UBR4: variants seen among roughly 807,000 people sequenced by gnomAD.
UBR4 encodes the protein E3 ubiquitin-protein ligase UBR4.
Under a neutral mutation model 575.6 loss-of-function variants are expected in UBR4, and 124 were observed. The observed-to-expected ratio is 0.22, with a 90% CI of 0.19 to 0.25. The LOEUF is 0.25. Among genes scored for constraint, UBR4 ranks in the 10% least tolerant of loss-of-function variants. The pLI, the probability that UBR4 is intolerant of heterozygous loss-of-function variation, is 1.00. For synonymous variants in UBR4, 2,455 were observed against 2,473.7 expected (o/e 0.99, Z 0.22); for missense variants, 4,818 against 6,478.8 (o/e 0.74, Z 8.80).
chr1:19,094,891 C>A lies in UBR4; in HGVS notation c.13746+15G>T, dbSNP rs146288135. 8.1e-6 allele frequency: 13 copies of A among 1,612,172 alleles called. No homozygotes were observed. Among genetic ancestry groups the A allele is most frequent in the Middle Eastern group, 4.1e-4 (2 of 4,938 alleles). On this transcript the variant is annotated intron_variant, in intron 94 of 105. Transcript: ENST00000375254. ...CTCTCAGTGCCTGCAGATGGAGGGG[C>A]CGAGCCCCACTCACCTTGTCCTCAC... is the stretch of plus-strand genomic sequence containing the variant.
chr1:19,150,512 A>T, intron 49 of UBR4, 65 bp downstream of exon 49: 1 of 1,552,454 alleles, frequency 6.4e-7, no homozygotes, highest in Non-Finnish European at 8.9e-7. Context: ...CTCTCAAGAC[A>T]CAGGAAGGTT....
At chr1:19,087,955 C>A in intron 98 of UBR4, 26 bp from the exon 99 acceptor site, 1 of 1,568,738 alleles carries the variant, frequency 6.4e-7, no homozygotes, top group South Asian at 1.1e-5. Flanking sequence ...GGTGGCATGT[C>A]AAGGGGATTT....
At chr1:19,174,585 TC>T (rs1224037439) in intron 21 of UBR4, 138 bp from the exon 22 acceptor site, 2 of 1,299,018 alleles carry the variant, frequency 1.5e-6, no homozygotes, top group Non-Finnish European at 1.0e-6. Context: ...TGGAACAGAT[TC>T]CCATTCTGGG....
In UBR4 at chr1:19,074,835, G is replaced by T; in HGVS notation, c.15549C>A (p.Pro5183=). The change falls in exon 106 of 106, where the codon CCC becomes CCA. Residue 5183 remains proline (P), a synonymous_variant. Coordinates refer to ENST00000375254, the MANE Select transcript of UBR4 (RefSeq NM_020765.3). ...CGCCGCAGCTGCTGTGTGGTGGTCA[G>T]GGGACTGAGTTCAACAGGTCCTTCA... ...SFLKDLLNSV[P] is the part of the protein sequence containing the mutation. 6.2e-7 allele frequency: 1 copy of T among 1,614,076 alleles called. No homozygotes were observed. Among genetic ancestry groups the T allele is most frequent in the Non-Finnish European group, 8.5e-7 (1 of 1,179,976 alleles).
At chr1:19,144,668 CTTCA>C in intron 54 of UBR4, 114 bp downstream of exon 54, 1 of 1,398,130 alleles carries the variant, frequency 7.2e-7, no homozygotes, top group Non-Finnish European at 9.6e-7. Context: ...ATATTTGAAA[CTTCA>C]TTCCCTTCAG....
chr1:19,119,340 T>C (rs570416501), intron 70 of UBR4, among the ~76,000 whole-genome samples: 1 of 152,370 alleles, frequency 6.6e-6, no homozygotes, highest in South Asian at 2.1e-4. Flanking sequence ...CCACCTGACC[T>C]TGACCTACGT....
chr1:19,110,694 T>G lies in UBR4; in HGVS notation c.11892+48A>C, dbSNP rs2079756979. ...AGGGGAAGCTGAGAAACACAAGGCA[T>G]GTGAGGGGAAGTCAGAGAGGACAGC... is the stretch of plus-strand genomic sequence containing the variant. On this transcript the variant is annotated intron_variant, in intron 79 of 105. Transcript: ENST00000375254. This position sits in a 1 kb window ranked among gnomAD's most constrained non-coding sequence, Gnocchi z 4.5. The G allele has an allele frequency of 1.9e-6, 3 of 1,583,982 alleles. No homozygotes were observed. Among genetic ancestry groups the G allele is most frequent in the Non-Finnish European group, 2.6e-6 (3 of 1,153,392 alleles).
intron 57 of UBR4, 107 bp from the exon 58 acceptor site, chr1:19,140,999 C>A: frequency 8.4e-7 from 1 of 1,194,612 alleles, no homozygotes; most frequent in Non-Finnish European, 1.2e-6. Context: ...AGCATGTGAC[C>A]CCCTCTGGCC....
At position 19,165,754 on chromosome 1, in the gene UBR4, T is replaced by C. The variant is rs780666447; in HGVS notation, c.4113A>G (p.Gly1371=). 8 of 1,612,172 alleles carry C rather than the reference T, an allele frequency of 5.0e-6. No individual in the cohort carries two copies. The highest frequency in any genetic ancestry group is 6.8e-6 in the Non-Finnish European group (8 of 1,179,350). Residue 1371 remains glycine, a synonymous_variant, in exon 30 of 106, where the codon GGA becomes GGG. Transcript: ENST00000375254. ...ILANHADPNS[G]LDESILEECL... is the part of the protein sequence containing the mutation. ...ATTCCTCCAGGATGGATTCATCCAGTCCACTGAGGATCAAACGGAAAACTT... is the reference window on the plus strand; with the variant it reads ...ATTCCTCCAGGATGGATTCATCCAGCCCACTGAGGATCAAACGGAAAACTT...
chr1:19,141,292 C>G, intron 57 of UBR4, 55 bp downstream of exon 57: 2 of 1,611,958 alleles, frequency 1.2e-6, no homozygotes, highest in Non-Finnish European at 1.7e-6. Context: ...ACTGCCAAAC[C>G]CTCTTTTCCT....
chr1:19,076,133 A>G (rs1415722991), intron 105 of UBR4, among the ~76,000 whole-genome samples: 1 of 152,178 alleles, frequency 6.6e-6, no homozygotes, highest in Non-Finnish European at 1.5e-5. Context: ...AACCAATTCT[A>G]ATGTGTTTGT....
intron 13 of UBR4, 120 bp from the exon 14 acceptor site, chr1:19,186,777 T>G (rs2091568452): frequency 2.4e-6 from 2 of 836,144 alleles, no homozygotes; most frequent in Non-Finnish European, 3.7e-6. Context: ...TCTTAATAGC[T>G]CCCTTAATTA....
Position 19,169,367 on chromosome 1 carries a change from A to C in UBR4, c.3741+68T>G, listed in dbSNP as rs1035870878. ...TAGCTAGTTTAAGCCTAATTCCTTT[A>C]GGCTTAAGAACAAAAGACAGAATGG... On this transcript the variant is annotated intron_variant, in intron 27 of 105. Transcript: ENST00000375254. 2.9e-6 allele frequency: 4 copies of C among 1,391,676 alleles called. No individual in the cohort carries two copies. In the African/African-American group the frequency reaches 4.3e-5, roughly 15 times the overall value. 86.2% of individuals were successfully genotyped at this position (1,391,676 alleles called of 1,614,324 possible).
chr1:19,190,695 G>A (rs1379055149), intron 11 of UBR4, among the ~76,000 whole-genome samples: 1 of 152,032 alleles, frequency 6.6e-6, no homozygotes, highest in Non-Finnish European at 1.5e-5. Context: ...CAACATACAA[G>A]CCATCAGTAA....
chr1:19,198,941 C>T lies in UBR4; in HGVS notation c.379-13G>A, dbSNP rs2151634450. The stretch of plus-strand genomic sequence containing the variant: ...GAATCAAGTGTTTCTGAAAAGAAAA[C>T]AAATGCAAACAAAAGAAAACAAAAA... On this transcript the variant is annotated splice_polypyrimidine_tract_variant and intron_variant, in intron 3 of 105. Coordinates refer to ENST00000375254, the MANE Select transcript of UBR4 (RefSeq NM_020765.3). 1.9e-6 allele frequency: 3 copies of T among 1,607,952 alleles called. No individual in the cohort carries two copies. The highest frequency in any genetic ancestry group is 2.5e-6 in the Non-Finnish European group (3 of 1,177,894).
At position 19,192,556 on chromosome 1, in the gene UBR4, C is replaced by A; in HGVS notation, c.1144-16G>T. The A allele has an allele frequency of 6.2e-7, 1 of 1,613,754 alleles. No individual in the cohort carries two copies. Among genetic ancestry groups the A allele is most frequent in the South Asian group, 1.1e-5 (1 of 91,028 alleles). Reference sequence around the variant, plus strand: ...AGATTTCGAGCTGTACAATATCAAACAGACACAAAAATCTGAACAAGCTGA... The same window carrying A: ...AGATTTCGAGCTGTACAATATCAAAAAGACACAAAAATCTGAACAAGCTGA... On this transcript the variant is annotated splice_polypyrimidine_tract_variant and intron_variant, in intron 9 of 105. Transcript: ENST00000375254.
intron 74 of UBR4, 106 bp from the exon 75 acceptor site, chr1:19,115,055 G>T: frequency 6.8e-7 from 1 of 1,477,100 alleles, no homozygotes. Context: ...GGTAACTACT[G>T]CAGGGGCTAC....
chr1:19,209,275 A>G (rs2093180551), intron 1 of UBR4, among the ~76,000 whole-genome samples: 2 of 152,250 alleles, frequency 1.3e-5, no homozygotes, highest in Non-Finnish European at 2.9e-5. Context: ...AAAGTCTACC[A>G]TTAAACTAAT....
chr1:19,081,272 C>T (rs1205176555), intron 103 of UBR4, 77 bp downstream of exon 103: 15 of 1,287,654 alleles, frequency 1.2e-5, no homozygotes, highest in East Asian at 2.3e-5. Flanking sequence ...TCACCTAGCA[C>T]GTGCGTACCA....
Sources: allele counts gnomAD v4.1 joint callset (sites outside exome capture counted in the v4.1 genomes callset), GRCh38; gene constraint gnomAD v4.1.1; non-coding constraint Gnocchi (gnomAD v3.1); transcripts MANE v1.5; gene names NCBI Gene and HGNC (gene_info 2026-07-23, HGNC 2026-07-21).